PSD3: variants seen among roughly 807,000 people sequenced by gnomAD.
PSD3 encodes the protein pleckstrin and Sec7 domain containing 3.
A neutral mutation model predicts 105.5 loss-of-function variants in PSD3; 49 were observed. That is an observed-to-expected ratio of 0.46 (90% CI 0.37 to 0.59). The LOEUF is 0.59. PSD3 is among the 20% of genes least tolerant of loss of function. The probability of loss-of-function intolerance (pLI) is 0.00; values close to 1 mark genes in which losing one functional copy is unlikely to be tolerated. For missense variants in PSD3, 1,561 were observed against 1,263.8 expected (o/e 1.24, Z -3.57); for synonymous variants, 557 against 457.8 (o/e 1.22, Z -2.77).
intron 9 of PSD3, chr8:18,684,117 C>T (rs1252402577): frequency 4.3e-6 from 2 of 466,922 alleles, no homozygotes; most frequent in Middle Eastern, 6.0e-4. Context: ...CTGTTTGCAG[C>T]GAGTCTGATT....
intron 4 of PSD3, among the ~76,000 whole-genome samples, chr8:18,807,131 A>G (rs558865831): frequency 6.6e-6 from 1 of 152,362 alleles, no homozygotes; most frequent in Non-Finnish European, 1.5e-5. Flanking sequence ...TGTAGTAAAA[A>G]TAAATGCATT....
chr8:18,808,512 A>G (rs548485664), intron 4 of PSD3, among the ~76,000 whole-genome samples: 1 of 152,082 alleles, frequency 6.6e-6, no homozygotes, highest in Non-Finnish European at 1.5e-5. Context: ...AGTCCAGATG[A>G]TTTCACCTAA....
At chr8:18,557,966 TG>T (rs1801177375) in intron 14 of PSD3, among the ~76,000 whole-genome samples, 1 of 151,954 alleles carries the variant, frequency 6.6e-6, no homozygotes, top group African/African-American at 2.4e-5. Context: ...GTCATAAGAG[TG>T]GGGCATATAT....
chr8:18,672,064 T>C (rs140524659), intron 9 of PSD3, among the ~76,000 whole-genome samples: 3 of 152,334 alleles, frequency 2.0e-5, no homozygotes, highest in African/African-American at 7.2e-5. Context: ...TCAATAAAGA[T>C]TCTGGAATGT....
At chr8:18,870,954 C>T (rs1032683842) in intron 3 of PSD3, among the ~76,000 whole-genome samples, 2 of 152,178 alleles carry the variant, frequency 1.3e-5, no homozygotes, top group South Asian at 2.1e-4. Context: ...CAAAAGTTGG[C>T]CAGGTGTGGT....
At chr8:18,607,123 G>C (rs1049612714) in intron 11 of PSD3, among the ~76,000 whole-genome samples, 1 of 152,190 alleles carries the variant, frequency 6.6e-6, no homozygotes, top group Non-Finnish European at 1.5e-5. Context: ...GGCAGGAAGA[G>C]AGATGATGAG....
chr8:18,718,161 G>A (rs1306025576), intron 9 of PSD3, among the ~76,000 whole-genome samples: 1 of 152,150 alleles, frequency 6.6e-6, no homozygotes, highest in Non-Finnish European at 1.5e-5. Flanking sequence ...CCCCTACCCT[G>A]TCGCCATTTC....
At chr8:18,606,378 C>G (rs1034952096) in intron 11 of PSD3, among the ~76,000 whole-genome samples, 1 of 152,164 alleles carries the variant, frequency 6.6e-6, no homozygotes, top group African/African-American at 2.4e-5. Flanking sequence ...CACCTCCCCA[C>G]ATTTGTACTC....
intron 8 of PSD3, chr8:18,775,035 G>A (rs1807912928): frequency 6.6e-6 from 3 of 452,332 alleles, no homozygotes; most frequent in South Asian, 1.6e-5. Flanking sequence ...CTACCTTCTG[G>A]TAACCACCAA....
chr8:19,014,239 C>T (rs1187722594), upstream of PSD3: 1 of 152,196 alleles, frequency 6.6e-6, no homozygotes. This position sits in a 1 kb window ranked among gnomAD's most constrained non-coding sequence, Gnocchi z 4.9. Context: ...CCCTCGGGGT[C>T]CCGGCCTCTC....
chr8:18,894,847 T>C (rs181304999), intron 2 of PSD3, among the ~76,000 whole-genome samples: 120 of 152,318 alleles, frequency 7.9e-4, no homozygotes, highest in African/African-American at 2.9e-3. Context: ...CGGGAAGGTC[T>C]GAGGAGACAT....
At chr8:18,564,280 T>C (rs1801591163) in intron 14 of PSD3, among the ~76,000 whole-genome samples, 1 of 152,156 alleles carries the variant, frequency 6.6e-6, no homozygotes, top group South Asian at 2.1e-4. Flanking sequence ...AAAAAGTGAG[T>C]AGACCAGTGA....
At chr8:18,911,751 T>C (rs1210892159) in intron 2 of PSD3, among the ~76,000 whole-genome samples, 3 of 152,126 alleles carry the variant, frequency 2.0e-5, no homozygotes, top group South Asian at 2.1e-4. Flanking sequence ...GACATAGATA[T>C]ATAAATGTAC....
At chr8:18,939,280 T>C (rs1443808931) in intron 1 of PSD3, among the ~76,000 whole-genome samples, 2 of 152,194 alleles carry the variant, frequency 1.3e-5, no homozygotes, top group Non-Finnish European at 2.9e-5. Context: ...GTGATTTACA[T>C]ATTTATTTGC....
intron 2 of PSD3, among the ~76,000 whole-genome samples, chr8:18,877,389 C>T (rs1817792002): frequency 6.6e-6 from 1 of 152,076 alleles, no homozygotes; most frequent in South Asian, 2.1e-4. Context: ...ATGTGGATAT[C>T]CAGTTGTCCC....
In PSD3 at chr8:18,630,604, G is replaced by A. The variant is rs187243022; in HGVS notation, c.2410+2009C>T. On this transcript the variant is annotated intron_variant, in intron 11 of 15. Transcript: ENST00000327040. ...TCTAGCAGGAAGTAGTAAATACTCC[G>A]AATAAGTGATAGCTGTTATACTTCC... Among the ~76,000 whole-genome samples the A allele has an allele frequency of 2.5e-4, 38 of 151,984 alleles. No homozygotes were observed. The East Asian group carries it at 3.7e-3, about 15-fold the overall frequency.
At chr8:18,768,429 T>C (rs1807215965) in intron 8 of PSD3, among the ~76,000 whole-genome samples, 1 of 151,990 alleles carries the variant, frequency 6.6e-6, no homozygotes, top group South Asian at 2.1e-4. Context: ...AACATCCCTC[T>C]CTAGAAACAA....
chr8:18,829,584 C>T (rs1435674262), intron 4 of PSD3, among the ~76,000 whole-genome samples: 1 of 152,160 alleles, frequency 6.6e-6, no homozygotes, highest in Admixed American at 6.5e-5. Flanking sequence ...TGGTCTTTGG[C>T]TCATGTTATT....
intron 15 of PSD3, among the ~76,000 whole-genome samples, chr8:18,539,299 G>A (rs1800016586): frequency 6.6e-6 from 1 of 152,170 alleles, no homozygotes; most frequent in Non-Finnish European, 1.5e-5. Context: ...TGGAGAGCAA[G>A]GGCAAGAAAC....
Sources: allele counts gnomAD v4.1 joint callset (sites outside exome capture counted in the v4.1 genomes callset), GRCh38; gene constraint gnomAD v4.1.1; non-coding constraint Gnocchi (gnomAD v3.1); transcripts MANE v1.5; gene names NCBI Gene and HGNC (gene_info 2026-07-23, HGNC 2026-07-21).